PPM1B: variants seen among roughly 807,000 people sequenced by gnomAD.
PPM1B encodes protein phosphatase 1B.
In PPM1B, 22 loss-of-function variants were observed where a neutral mutation model predicts 43.0. That is an observed-to-expected ratio of 0.51 (90% confidence interval 0.37 to 0.73). The LOEUF (loss-of-function observed/expected upper bound fraction) is 0.73. PPM1B is among the 30% of genes least tolerant of loss of function. PPM1B has a pLI of 0.00. For missense variants in PPM1B, 632 were observed against 584.2 expected (o/e 1.08, Z -0.84); for synonymous variants, 217 against 197.9 (o/e 1.10, Z -0.81).
chr2:44,188,068 A>G (rs973479673), intron 1 of PPM1B, among the ~76,000 whole-genome samples: 8 of 152,184 alleles, frequency 5.3e-5, no homozygotes, highest in African/African-American at 1.9e-4. Context: ...TAAATTTTTT[A>G]ATTTGATACA....
At chr2:44,235,471 C>T (rs1306613149), downstream of PPM1B, among the ~76,000 whole-genome samples, 4 of 151,962 alleles carry the variant, frequency 2.6e-5, no homozygotes, top group African/African-American at 7.2e-5. Context: ...GGCATGGTGG[C>T]GCATGCCCGT....
At position 44,177,728 on chromosome 2, in the gene PPM1B, T is replaced by G. The variant is rs188819321; in HGVS notation, c.-15+8454T>G. ...CCACCGCGCCCGGCCTACATGTATG[T>G]ATTTCTAAATAGCATATAGTACTGT... is the stretch of plus-strand genomic sequence containing the variant. On this transcript the variant is annotated intron_variant, in intron 1 of 5. Transcript: ENST00000282412. Among the ~76,000 whole-genome samples the G allele has an allele frequency of 1.7e-3, 264 of 151,998 alleles. 1 individual carries two copies. The highest frequency in any genetic ancestry group is 5.9e-3 in the African/African-American group (246 of 41,484).
chr2:44,197,002 T>C (rs1668691703), intron 1 of PPM1B, among the ~76,000 whole-genome samples: 1 of 152,228 alleles, frequency 6.6e-6, no homozygotes, highest in Non-Finnish European at 1.5e-5. Context: ...GGCTTACCTT[T>C]TAGTTTTCAT....
chr2:44,228,328 T>A (rs1670316677), intron 5 of PPM1B, among the ~76,000 whole-genome samples: 1 of 151,746 alleles, frequency 6.6e-6, no homozygotes, highest in Non-Finnish European at 1.5e-5. Context: ...GTTGGGACTA[T>A]GGGCGTGTTC....
Position 44,230,714 on chromosome 2 carries a change from T to C in PPM1B, c.1436T>C (p.Ile479Thr). ...DAGTKMSGEK[I>T] ...GGGACAAAGATGAGTGGTGAAAAAATATGACTTTCCTTTTTGGTAATATTT... is the reference window on the plus strand; with the variant it reads ...GGGACAAAGATGAGTGGTGAAAAAACATGACTTTCCTTTTTGGTAATATTT... Residue 479 changes from isoleucine to threonine, a missense_variant, in exon 6 of 6, where the codon ATA (isoleucine) becomes ACA (threonine). By Grantham distance (89) the Ile-to-Thr change is moderately conservative. This residue lies in a region of PPM1B where 392 missense variants were observed against 302.7 expected (regional missense o/e 1.29). Coordinates refer to ENST00000282412, the MANE Select transcript of PPM1B (RefSeq NM_002706.6). 1.2e-6 allele frequency: 2 copies of C among 1,603,806 alleles called. No individual in the cohort carries two copies. The highest frequency in any genetic ancestry group is 1.7e-5 in the Admixed American group (1 of 59,342).
At chr2:44,200,370 A>AT (rs1668877375) in intron 1 of PPM1B, among the ~76,000 whole-genome samples, 1 of 152,222 alleles carries the variant, frequency 6.6e-6, no homozygotes, top group Non-Finnish European at 1.5e-5. Context: ...ATTCTATAAA[A>AT]TAGTAAAGTT....
chr2:44,229,475 CTTTG>C (rs1670373598), intron 5 of PPM1B, among the ~76,000 whole-genome samples: 1 of 152,128 alleles, frequency 6.6e-6, no homozygotes, highest in Non-Finnish European at 1.5e-5. Flanking sequence ...TTGAAACTGA[CTTTG>C]AAGAATCTGA....
intron 3 of PPM1B, chr2:44,209,571 G>C (rs1055122065): frequency 5.5e-5 from 20 of 365,974 alleles, no homozygotes; most frequent in Middle Eastern, 8.3e-4. Flanking sequence ...CATGAGGTCA[G>C]ATCGACACCA....
At chr2:44,183,311 A>T (rs1372970465) in intron 1 of PPM1B, among the ~76,000 whole-genome samples, 1 of 152,228 alleles carries the variant, frequency 6.6e-6, no homozygotes, top group Admixed American at 6.5e-5. Flanking sequence ...TTGCCAAGTG[A>T]CATTCGATGA....
At chr2:44,222,478 G>A (rs1026978268) in intron 5 of PPM1B, among the ~76,000 whole-genome samples, 3 of 152,150 alleles carry the variant, frequency 2.0e-5, no homozygotes, top group African/African-American at 7.2e-5. Flanking sequence ...TCAAGTAGTT[G>A]CACAAGTTGG....
intron 5 of PPM1B, among the ~76,000 whole-genome samples, chr2:44,241,876 T>TTTTTTTTTTTTTA (rs1670753226): frequency 6.9e-6 from 1 of 145,246 alleles, no homozygotes; most frequent in African/African-American, 2.6e-5. Context: ...TTTTTTTTTT[T>TTTTTTTTTTTTTA]GAGACGGAGT....
Position 44,200,040 on chromosome 2 carries a change from T to A in PPM1B, c.-14-1146T>A, listed in dbSNP as rs539652271. Among the ~76,000 whole-genome samples, 4 of 152,338 alleles carry A rather than the reference T, an allele frequency of 2.6e-5. No homozygotes were observed. In the South Asian group the frequency reaches 8.3e-4, roughly 32 times the overall value. ...AATCACCAGCATGCTTTTTTGATGA[T>A]TCCATCTAAGATCTATTGAAAAAAA... is the stretch of plus-strand genomic sequence containing the variant. On this transcript the variant is annotated intron_variant, in intron 1 of 5. Transcript: ENST00000282412.
rs1445760590 is a variant in PPM1B, at chr2:44,178,474, A to ATATATT, written c.-15+9201_-15+9202insATATTT. 1.8e-3 allele frequency among the ~76,000 whole-genome samples: 250 copies of ATATATT among 135,300 alleles called. 1 individual carries two copies. Among genetic ancestry groups the ATATATT allele is most frequent in the South Asian group, 6.9e-3 (29 of 4,214 alleles). 88.8% of individuals were successfully genotyped at this position (135,300 alleles called of 152,430 possible). A position where few individuals can be genotyped will look rare whatever the true frequency, so the allele number is the denominator to read the frequency against. ...TATGTATATATATATATATATATAT[A>ATATATT]TTTTTTTTTTTAGACAGAGTTTCGC... On this transcript the variant is annotated intron_variant, in intron 1 of 5. Coordinates refer to ENST00000282412, the MANE Select transcript of PPM1B (RefSeq NM_002706.6).
chr2:44,206,278 A>G (rs114726408), intron 2 of PPM1B, among the ~76,000 whole-genome samples: 1 of 152,250 alleles, frequency 6.6e-6, no homozygotes, highest in South Asian at 2.1e-4. Flanking sequence ...TACTGATTAT[A>G]CAAGGATGTT....
intron 3 of PPM1B, among the ~76,000 whole-genome samples, chr2:44,211,993 G>A (rs771260192): frequency 6.6e-5 from 10 of 152,166 alleles, no homozygotes; most frequent in East Asian, 1.9e-4. Flanking sequence ...CAGGTGATCC[G>A]CCCGCCTTGG....
chr2:44,236,259 T>C (rs931915281), downstream of PPM1B, among the ~76,000 whole-genome samples: 9 of 151,156 alleles, frequency 6.0e-5, no homozygotes, highest in African/African-American at 1.7e-4. Flanking sequence ...AAAAATTAAC[T>C]TGGTGTGGTG....
chr2:44,183,957 C>CTCGT (rs1490057625), intron 1 of PPM1B, among the ~76,000 whole-genome samples: 1 of 152,164 alleles, frequency 6.6e-6, no homozygotes, highest in African/African-American at 2.4e-5. Flanking sequence ...CCAGTATGGT[C>CTCGT]TCGATCTCCT....
chr2:44,189,119 A>C (rs183211832), intron 1 of PPM1B, among the ~76,000 whole-genome samples: 315 of 151,810 alleles, frequency 2.1e-3, no homozygotes, highest in African/African-American at 7.4e-3. Context: ...TAGTCCACCT[A>C]CTTCAGCCTC....
downstream of PPM1B, chr2:44,233,686 A>C (rs1670532639): frequency 1.0e-6 from 1 of 985,732 alleles, no homozygotes; most frequent in African/African-American, 1.7e-5. Context: ...TATTTTCTGT[A>C]ACGTTTTCCT....
Sources: gnomAD v4.1 joint callset for allele counts (sites outside exome capture counted in the v4.1 genomes callset) on GRCh38, gnomAD v4.1.1 for gene constraint, gnomAD v4.1.1 regional missense constraint, MANE v1.5 for transcripts, NCBI Gene and HGNC (gene_info 2026-07-23, HGNC 2026-07-21) for gene names.